The following MRPL16 variants were observed in gnomAD, a reference collection of about 807,000 sequenced individuals.
The protein encoded by MRPL16 is mitochondrial ribosomal protein L16.
A neutral mutation model predicts 22.7 loss-of-function variants in MRPL16; 17 were observed. The observed-to-expected ratio is 0.75, with a 90% confidence interval of 0.51 to 1.12. MRPL16 has a LOEUF of 1.12. Among genes scored for constraint, MRPL16 ranks in the 50% most tolerant of loss-of-function variants. The pLI is 0.00. For missense variants in MRPL16, 316 were observed against 328.7 expected, an observed-to-expected ratio of 0.96 and a Z score of 0.30; for synonymous variants, 103 against 112.8, an observed-to-expected ratio of 0.91 and a Z score of 0.55.
chr11:59,808,421 T>C (rs1224881555), intron 2 of MRPL16, among the ~76,000 whole-genome samples: 1 of 152,226 alleles, frequency 6.6e-6, no homozygotes, highest in African/African-American at 2.4e-5. Flanking sequence ...ATTAAAAATA[T>C]ACAGCTCAGT....
chr11:59,807,903 C>T, intron 2 of MRPL16, 54 bp from the exon 3 acceptor site: 2 of 1,464,830 alleles, frequency 1.4e-6, no homozygotes, highest in Non-Finnish European at 1.8e-6. Flanking sequence ...CTCAAAAGAT[C>T]TATTTTCCTA....
intron 1 of MRPL16, 46 bp from the exon 2 acceptor site, chr11:59,809,966 C>T: frequency 6.6e-7 from 1 of 1,507,522 alleles, no homozygotes; most frequent in Non-Finnish European, 9.1e-7. Context: ...CAGGCCGGGA[C>T]CCCGATACAA....
intron 1 of MRPL16, chr11:59,810,328 G>A (rs1420211085): frequency 4.6e-6 from 6 of 1,312,940 alleles, no homozygotes; most frequent in Admixed American, 3.7e-5. Context: ...TCCGCCGGAG[G>A]AGTCTTGAGG....
Position 59,810,613 on chromosome 11 carries a change from G to A in MRPL16, c.46C>T (p.Pro16Ser), listed in dbSNP as rs751946323. The A allele has an allele frequency of 6.2e-7, 1 of 1,614,160 alleles. No homozygotes were observed. The highest frequency in any genetic ancestry group is 8.5e-7 in the Non-Finnish European group (1 of 1,179,988). Residue 16 changes from proline (P) to serine (S), a missense_variant, in exon 1 of 4, where the codon CCC (proline) becomes TCC (serine). Physicochemically the swap from Pro to Ser is moderately conservative, Grantham distance 74. Transcript: ENST00000300151. ...AAAAGGGACTTCTGACCTGACAAGG[G>A]CACCCGCAGGAGCGGCGCACTAGCG... ...ARASAPLLRVPLSDSWALLPA... is the reference protein window; with the variant it reads ...ARASAPLLRVSLSDSWALLPA...
intron 1 of MRPL16, 79 bp from the exon 2 acceptor site, chr11:59,809,999 T>C (rs910532957): frequency 2.7e-6 from 3 of 1,104,764 alleles, no homozygotes; most frequent in Non-Finnish European, 3.9e-6. Flanking sequence ...GTACTACTTC[T>C]TATTTTTATT....
At position 59,810,699 on chromosome 11, in the gene MRPL16, C is replaced by A. The variant is rs757237223; in HGVS notation, c.-41G>T. 1 of 1,612,430 alleles carries A rather than the reference C, an allele frequency of 6.2e-7. No individual in the cohort carries two copies. Among genetic ancestry groups the A allele is most frequent in the Middle Eastern group, 1.7e-4 (1 of 5,856 alleles). ...GCGGCGCGGAGCTCCCCCAGCGACT[C>A]CGGCTGTCTCCTGCACCCAGGTAAG... On this transcript the variant is annotated 5_prime_UTR_variant, in exon 1 of 4. Transcript: ENST00000300151.
rs762082003 is a variant in MRPL16 at position 59,806,706 on chromosome 11, G to A, written c.397C>T (p.Arg133Cys). 21 of 1,614,058 alleles carry A rather than the reference G, an allele frequency of 1.3e-5. No individual in the cohort carries two copies. Among genetic ancestry groups the A allele is most frequent in the Admixed American group, 1.7e-5 (1 of 60,002 alleles). ...CCCATGCGATGCCCAACACTTTTGC[G>A]AGTGATGGGCTTGAAAGGGGCTGGT... The part of the protein sequence containing the change: ...RVPAPFKPIT[R>C]KSVGHRMGGG... Residue 133 changes from arginine (R) to cysteine (C), a missense_variant, in exon 4 of 4, where the codon CGC becomes TGC. Transcript: ENST00000300151.
Position 59,806,210 on chromosome 11 carries a change from T to G in MRPL16, c.*137A>C, listed in dbSNP as rs1565200620. On this transcript the variant is annotated 3_prime_UTR_variant, in exon 4 of 4. Transcript: ENST00000300151. Reference sequence around the variant, plus strand: ...TTTTTAAATCAACAAATAACATTGTTTTTCAGAAATCTACTCAAATGCTGC... The same window carrying G: ...TTTTTAAATCAACAAATAACATTGTGTTTCAGAAATCTACTCAAATGCTGC... 3.2e-6 allele frequency: 3 copies of G among 941,140 alleles called. No individual in the cohort carries two copies. Among genetic ancestry groups the G allele is most frequent in the Non-Finnish European group, 4.7e-6 (3 of 633,046 alleles). 58.3% of individuals were successfully genotyped at this position (941,140 alleles called of 1,614,324 possible). A position where few individuals can be genotyped will look rare whatever the true frequency, so the allele number is the denominator to read the frequency against.
At position 59,806,484 on chromosome 11, in the gene MRPL16, G is replaced by C; in HGVS notation, c.619C>G (p.Arg207Gly). 1 of 1,614,192 alleles carries C rather than the reference G, an allele frequency of 6.2e-7. No individual in the cohort carries two copies. Among genetic ancestry groups the C allele is most frequent in the Non-Finnish European group, 8.5e-7 (1 of 1,180,034 alleles). Residue 207 changes from arginine to glycine, a missense_variant, in exon 4 of 4, where the codon CGT (arginine) becomes GGT (glycine). By Grantham distance (125) the Arg-to-Gly change is moderately radical. Coordinates refer to ENST00000300151, the MANE Select transcript of MRPL16 (RefSeq NM_017840.4). The stretch of plus-strand genomic sequence containing the variant: ...AATGTCCAGGGGTTCTGGTTGTTAC[G>C]TTCTCTTTCCTCTTGATCTTTTCGC... Reference protein sequence around the residue: ...KMRKDQEERERNNQNPWTFER... With the variant: ...KMRKDQEEREGNNQNPWTFER...
chr11:59,807,019 G>T (rs1866110673), intron 3 of MRPL16, among the ~76,000 whole-genome samples, 187 bp from the exon 4 acceptor site: 1 of 152,236 alleles, frequency 6.6e-6, no homozygotes. Flanking sequence ...ACCCATTTCA[G>T]TGGAGAGCCA....
chr11:59,809,823 G>C, intron 2 of MRPL16, 32 bp downstream of exon 2: 1 of 1,589,468 alleles, frequency 6.3e-7, no homozygotes, highest in East Asian at 2.2e-5. Context: ...TCAGAGAAAA[G>C]ATTTACGAAC....
At chr11:59,810,247 G>T in intron 1 of MRPL16, 2 of 1,161,964 alleles carry the variant, frequency 1.7e-6, no homozygotes, top group Non-Finnish European at 2.2e-6. Flanking sequence ...GACCTCAAGT[G>T]ATTCGCCCGC....
chr11:59,809,833 C>G (rs757785938), intron 2 of MRPL16, 22 bp downstream of exon 2: 2 of 1,601,370 alleles, frequency 1.2e-6, no homozygotes, highest in African/African-American at 1.3e-5. Context: ...GATTTACGAA[C>G]AGGAGAAAGA....
intron 2 of MRPL16, 83 bp from the exon 3 acceptor site, chr11:59,807,932 G>GAA: frequency 7.2e-7 from 1 of 1,387,128 alleles, no homozygotes; most frequent in Non-Finnish European, 9.6e-7. Context: ...TATAACAGGT[G>GAA]AAAGTCTTAA....
chr11:59,808,980 T>C (rs1866143042), intron 2 of MRPL16: 1 of 152,078 alleles, frequency 6.6e-6, no homozygotes. Context: ...AATAGAAGAG[T>C]TTGAGGAAAT....
chr11:59,810,357 C>G, intron 1 of MRPL16: 1 of 1,376,424 alleles, frequency 7.3e-7, no homozygotes, highest in Non-Finnish European at 9.4e-7. Context: ...GCGGATTCCA[C>G]TAAATGGACT....
Position 59,809,961 on chromosome 11 carries a change from C to T in MRPL16, c.56-41G>A, listed in dbSNP as rs1020660333. ...AAGTTAAACGACGAAGGTAACAGGC[C>T]GGGACCCCGATACAACCTGGGCCAA... On this transcript the variant is annotated intron_variant, in intron 1 of 3. Transcript: ENST00000300151. The T allele has an allele frequency of 2.6e-6, 4 of 1,542,152 alleles. No individual in the cohort carries two copies. In the African/African-American group the frequency reaches 4.1e-5, roughly 16 times the overall value.
Position 59,809,835 on chromosome 11 carries a change from G to T in MRPL16, c.121+20C>A. 1 of 1,605,072 alleles carries T rather than the reference G, an allele frequency of 6.2e-7. No homozygotes were observed. Among genetic ancestry groups the T allele is most frequent in the East Asian group, 2.2e-5 (1 of 44,808 alleles). On this transcript the variant is annotated intron_variant, in intron 2 of 3. Transcript: ENST00000300151. ...CCATCAGAGAAAAGATTTACGAACA[G>T]GAGAAAGACAAGCTCTCACCTTCAA...
intron 3 of MRPL16, chr11:59,807,286 G>A (rs1866117320): frequency 5.6e-6 from 1 of 179,440 alleles, no homozygotes; most frequent in Non-Finnish European, 1.2e-5. Context: ...ATATCACTCT[G>A]GCTGCCTGGT....
Sources: gnomAD v4.1 joint callset for allele counts (sites outside exome capture counted in the v4.1 genomes callset) on GRCh38, gnomAD v4.1.1 for gene constraint, MANE v1.5 for transcripts, NCBI Gene and HGNC (gene_info 2026-07-23, HGNC 2026-07-21) for gene names.